Variants in PTPRD observed in about 807,000 individuals in gnomAD.
PTPRD encodes the protein protein tyrosine phosphatase receptor type D, also known as receptor-type tyrosine-protein phosphatase delta.
PTPRD carries 34 observed loss-of-function variants against 214.5 expected under a neutral mutation model. The ratio of observed to expected loss-of-function variants is 0.16; its 90% CI spans 0.12 to 0.21. PTPRD has a LOEUF of 0.21. Ranked by LOEUF, PTPRD falls within the 10% of genes least tolerant of loss-of-function variation. PTPRD has a pLI of 1.00. For missense variants in PTPRD, 2,545 were observed against 2,398.7 expected, an observed-to-expected ratio of 1.06 and a Z score of -1.27; for synonymous variants, 1,128 against 845.7, an observed-to-expected ratio of 1.33 and a Z score of -5.79.
At chr9:9,350,834 G>A (rs2050814387) in intron 9 of PTPRD, among the ~76,000 whole-genome samples, 2 of 151,942 alleles carry the variant, frequency 1.3e-5, no homozygotes, top group South Asian at 4.2e-4. Context: ...GTAGTAAAAG[G>A]AAAATATTCC....
At chr9:9,835,202 G>T (rs977679992) in intron 5 of PTPRD, among the ~76,000 whole-genome samples, 2 of 151,938 alleles carry the variant, frequency 1.3e-5, no homozygotes, top group African/African-American at 4.8e-5. Context: ...ATATTTCTGC[G>T]GATCCACTAA....
intron 11 of PTPRD, among the ~76,000 whole-genome samples, chr9:8,796,157 G>A (rs954608896): frequency 6.6e-6 from 1 of 152,088 alleles, no homozygotes; most frequent in Admixed American, 6.6e-5. Flanking sequence ...GAATATACAT[G>A]TTTATCTATA....
intron 12 of PTPRD, among the ~76,000 whole-genome samples, chr9:8,716,325 G>A (rs2098435907): frequency 6.6e-6 from 1 of 152,172 alleles, no homozygotes; most frequent in Non-Finnish European, 1.5e-5. Context: ...AAGTATCTAT[G>A]TAATTGTGGT....
chr9:9,071,173 C>T (rs576941281), intron 10 of PTPRD, among the ~76,000 whole-genome samples: 5 of 152,274 alleles, frequency 3.3e-5, no homozygotes, highest in South Asian at 2.1e-4. Context: ...TTCTGTGGCA[C>T]GTAAAACTTG....
chr9:9,881,025 A>C (rs1460200412), intron 5 of PTPRD, among the ~76,000 whole-genome samples: 1 of 152,192 alleles, frequency 6.6e-6, no homozygotes, highest in Non-Finnish European at 1.5e-5. Flanking sequence ...GCATTGAAAA[A>C]CATTTCTAGT....
intron 10 of PTPRD, among the ~76,000 whole-genome samples, chr9:9,065,093 A>G (rs1237805951): frequency 2.6e-5 from 4 of 152,302 alleles, no homozygotes; most frequent in African/African-American, 9.6e-5. Flanking sequence ...GGATATAACA[A>G]TATATACATT....
At position 9,031,553 on chromosome 9, in the gene PTPRD, G is replaced by A. The variant is rs10115435; in HGVS notation, c.-142-12818C>T. Among the ~76,000 whole-genome samples the A allele has an allele frequency of 5.9e-3, 897 of 152,106 alleles. 10 individuals carry two copies. The highest frequency in any genetic ancestry group is 0.021 in the African/African-American group (865 of 41,508). On this transcript the variant is annotated intron_variant, in intron 10 of 45. Transcript: ENST00000381196. ...GAATGTGTTGCACTATGACATAATG[G>A]TGACTATGACATTAGGAGAGAGAAA...
intron 14 of PTPRD, among the ~76,000 whole-genome samples, chr9:8,605,573 A>C (rs1173585763): frequency 6.6e-6 from 1 of 152,224 alleles, no homozygotes; most frequent in Non-Finnish European, 1.5e-5. Flanking sequence ...GTGAGTCTTT[A>C]GGCAAGTTAC....
intron 9 of PTPRD, among the ~76,000 whole-genome samples, chr9:9,371,609 T>TGAAGGAGATA (rs2059518217): frequency 6.6e-6 from 1 of 152,204 alleles, no homozygotes; most frequent in South Asian, 2.1e-4. Flanking sequence ...TGTCTCTATC[T>TGAAGGAGATA]CCTTCAGTTC....
At chr9:8,766,977 A>G (rs1015743977) in intron 11 of PTPRD, among the ~76,000 whole-genome samples, 2 of 152,202 alleles carry the variant, frequency 1.3e-5, no homozygotes, top group Non-Finnish European at 2.9e-5. Context: ...GACTTACTGT[A>G]TATGTTTCCT....
In PTPRD at chr9:10,031,647, T is replaced by TATATATATATATACAC; in HGVS notation, c.-472+2070_-472+2071insGTGTATATATATATAT. ...CTCCATATATATATATATATATATA[T>TATATATATATATACAC]ACACACACACACACACACATACACA... is the stretch of plus-strand genomic sequence containing the variant. On this transcript the variant is annotated intron_variant, in intron 4 of 45. Transcript: ENST00000381196. Among the ~76,000 whole-genome samples, 435 of 89,622 alleles carry TATATATATATATACAC rather than the reference T, an allele frequency of 4.9e-3. 20 individuals carry two copies. The highest frequency in any genetic ancestry group is 0.032 in the African/African-American group (395 of 12,346). The allele number at this position is 89,622 out of a possible 152,430, so 58.8% of individuals were successfully genotyped here.
At chr9:10,132,357 A>C (rs543058094) in intron 3 of PTPRD, among the ~76,000 whole-genome samples, 90 of 152,290 alleles carry the variant, frequency 5.9e-4, no homozygotes, top group African/African-American at 2.1e-3. Context: ...AATTTAAAAA[A>C]AACTTCAACT....
chr9:9,605,188 A>T (rs1318531442), intron 7 of PTPRD, among the ~76,000 whole-genome samples: 2 of 152,132 alleles, frequency 1.3e-5, no homozygotes, highest in Admixed American at 1.3e-4. Flanking sequence ...TCTGCATTAG[A>T]CAATATTCAA....
At chr9:9,796,829 A>G (rs1371749350) in intron 5 of PTPRD, among the ~76,000 whole-genome samples, 1 of 152,170 alleles carries the variant, frequency 6.6e-6, no homozygotes, top group Non-Finnish European at 1.5e-5. Flanking sequence ...TTGAGGTATG[A>G]TTTGGCATAT....
chr9:9,370,933 G>C (rs1287759026), intron 9 of PTPRD, among the ~76,000 whole-genome samples: 1 of 152,064 alleles, frequency 6.6e-6, no homozygotes, highest in African/African-American at 2.4e-5. Flanking sequence ...TGCATATGTT[G>C]AACCAGCCTT....
chr9:10,205,327 T>C (rs569948565), intron 3 of PTPRD, among the ~76,000 whole-genome samples: 1 of 151,846 alleles, frequency 6.6e-6, no homozygotes. Flanking sequence ...TTTAATAAAG[T>C]TGTGAAAGAT....
At chr9:10,399,839 G>T (rs1020720873) in intron 2 of PTPRD, among the ~76,000 whole-genome samples, 1 of 151,806 alleles carries the variant, frequency 6.6e-6, no homozygotes. Context: ...ACAAGTGGTG[G>T]GAAGAAAAGG....
At chr9:9,842,298 ATTTT>A (rs138386194) in intron 5 of PTPRD, among the ~76,000 whole-genome samples, 8 of 91,430 alleles carry the variant, frequency 8.7e-5, no homozygotes, top group South Asian at 4.6e-4. Flanking sequence ...GAAGGAGAGC[ATTTT>A]TTTTTTTTTT....
intron 14 of PTPRD, among the ~76,000 whole-genome samples, chr9:8,582,412 C>T (rs1031998514): frequency 1.3e-5 from 2 of 152,134 alleles, no homozygotes; most frequent in African/African-American, 4.8e-5. Flanking sequence ...TATTTGACTA[C>T]ACTAAAATTA....
Sources: gnomAD v4.1 joint callset for allele counts (sites outside exome capture counted in the v4.1 genomes callset) on GRCh38, gnomAD v4.1.1 for gene constraint, MANE v1.5 for transcripts, NCBI Gene and HGNC (gene_info 2026-07-23, HGNC 2026-07-21) for gene names.